The following CERS3 variants were observed in gnomAD, a reference collection of about 807,000 sequenced individuals.
CERS3 encodes the protein ceramide synthase 3, also known as LAG1 homolog, ceramide synthase 3.
Under a neutral mutation model 50.3 loss-of-function variants are expected in CERS3, and 33 were observed. That is an observed-to-expected ratio of 0.66 (90% CI 0.50 to 0.88). The LOEUF (loss-of-function observed/expected upper bound fraction) is 0.88. Ranked by LOEUF, CERS3 falls within the 40% of genes least tolerant of loss-of-function variation. The pLI, the probability that CERS3 is intolerant of heterozygous loss-of-function variation, is 0.00. For synonymous variants in CERS3, 176 were observed against 155.2 expected (o/e 1.13, Z -0.99); for missense variants, 470 against 460.3 (o/e 1.02, Z -0.19).
chr15:100,464,105 A>G (rs1325100176), intron 10 of CERS3, among the ~76,000 whole-genome samples: 2 of 152,208 alleles, frequency 1.3e-5, no homozygotes, highest in East Asian at 1.9e-4. Flanking sequence ...CTACACTTGT[A>G]ATAGCTGGAT....
At chr15:100,444,002 A>G (rs2033821526) in intron 11 of CERS3, among the ~76,000 whole-genome samples, 2 of 152,072 alleles carry the variant, frequency 1.3e-5, no homozygotes. Flanking sequence ...GCTCTCCCTG[A>G]CTCATCCCAA....
chr15:100,462,382 G>A (rs1462753441), intron 10 of CERS3, among the ~76,000 whole-genome samples: 2 of 152,168 alleles, frequency 1.3e-5, no homozygotes, highest in East Asian at 1.9e-4. Flanking sequence ...CCACCAAAAA[G>A]TTGTATTTGT....
In CERS3 at chr15:100,417,832, A is replaced by T. The variant is rs189546015; in HGVS notation, c.1000-14967T>A. On this transcript the variant is annotated intron_variant, in intron 11 of 11. Transcript: ENST00000679737. The stretch of plus-strand genomic sequence containing the variant: ...CCCAGCAAGGGCACACTGACACCTC[A>T]CACAGCAGGGTATTCCAACAGACCT... Among the ~76,000 whole-genome samples, 657 of 151,992 alleles carry T rather than the reference A, an allele frequency of 4.3e-3. 19 individuals are homozygous for T. Among genetic ancestry groups the T allele is most frequent in the African/African-American group, 0.014 (598 of 41,248 alleles).
Position 100,485,988 on chromosome 15 carries a change from G to A in CERS3, c.289-1320C>T, listed in dbSNP as rs575420446. On this transcript the variant is annotated intron_variant, in intron 4 of 11. Coordinates refer to ENST00000679737, the MANE Select transcript of CERS3 (RefSeq NM_001378789.1). ...AGTGCTGAGGAAAGAAGTGGGAGCC[G>A]TATGGATACAGCAGGCAGAGAAGCA... Among the ~76,000 whole-genome samples the A allele has an allele frequency of 2.6e-5, 4 of 152,334 alleles. No homozygotes were observed. The South Asian group carries it at 6.2e-4, about 24-fold the overall frequency.
intron 11 of CERS3, among the ~76,000 whole-genome samples, chr15:100,428,737 C>A (rs866092887): frequency 1.3e-5 from 2 of 152,216 alleles, no homozygotes; most frequent in South Asian, 4.1e-4. Context: ...ATTGAAAGAA[C>A]TGAATGCTAC....
chr15:100,467,833 ACGTG>A (rs375269710), intron 10 of CERS3, among the ~76,000 whole-genome samples: 57,391 of 120,568 alleles, frequency 0.48, 14,123 homozygotes, highest in Non-Finnish European at 0.53. Context: ...GTATATATAT[ACGTG>A]TATATATATA....
At chr15:100,541,641 T>C (rs2037205038) in intron 1 of CERS3, among the ~76,000 whole-genome samples, 1 of 152,200 alleles carries the variant, frequency 6.6e-6, no homozygotes. Context: ...TGTTTGAACG[T>C]GTTCAGTAAG....
chr15:100,459,130 C>CTT (rs1412952478), intron 10 of CERS3, among the ~76,000 whole-genome samples: 3 of 152,168 alleles, frequency 2.0e-5, no homozygotes, highest in Admixed American at 2.0e-4. Context: ...TGAATTTGGC[C>CTT]TTTGAGCCAT....
At chr15:100,471,932 C>T (rs570996337) in intron 9 of CERS3, among the ~76,000 whole-genome samples, 1 of 152,272 alleles carries the variant, frequency 6.6e-6, no homozygotes, top group African/African-American at 2.4e-5. Context: ...ATGATTCTCA[C>T]AGTTTTAAGA....
At chr15:100,520,307 A>G (rs1297345119) in intron 2 of CERS3, among the ~76,000 whole-genome samples, 1 of 152,104 alleles carries the variant, frequency 6.6e-6, no homozygotes, top group East Asian at 1.9e-4. Context: ...TGGTGCCTCC[A>G]TTTGTATTCT....
chr15:100,513,937 C>T (rs532664690), intron 2 of CERS3, among the ~76,000 whole-genome samples: 56 of 152,182 alleles, frequency 3.7e-4, no homozygotes, highest in Non-Finnish European at 5.4e-4. Context: ...TCTAGTCTTT[C>T]CAGAGCCCCA....
At chr15:100,535,171 T>C (rs1192992310) in intron 1 of CERS3, among the ~76,000 whole-genome samples, 1 of 152,258 alleles carries the variant, frequency 6.6e-6, no homozygotes, top group Non-Finnish European at 1.5e-5. Flanking sequence ...ATCTCAGATT[T>C]TGGCATCCAT....
At position 100,486,886 on chromosome 15, in the gene CERS3, C is replaced by A. The variant is rs182630866; in HGVS notation, c.289-2218G>T. Reference sequence around the variant, plus strand: ...AATATTCTCAGACCTTAGAACAACTCAATTTTATTCTCCCATGACTTCTGC... The same window carrying A: ...AATATTCTCAGACCTTAGAACAACTAAATTTTATTCTCCCATGACTTCTGC... On this transcript the variant is annotated intron_variant, in intron 4 of 11. Transcript: ENST00000679737. Among the ~76,000 whole-genome samples, 161 of 152,312 alleles carry A rather than the reference C, an allele frequency of 1.1e-3. 1 individual carries two copies. In the East Asian group the frequency reaches 0.015, roughly 14 times the overall value.
Position 100,467,811 on chromosome 15 carries a change from CTA to C in CERS3, c.845+1565_845+1566del, listed in dbSNP as rs1252827638. Among the ~76,000 whole-genome samples the C allele has an allele frequency of 3.0e-4, 38 of 125,290 alleles. No homozygotes were observed. The East Asian group carries it at 4.6e-3, about 15-fold the overall frequency. 82.2% of individuals were successfully genotyped at this position (125,290 alleles called of 152,430 possible). A position where few individuals can be genotyped will look rare whatever the true frequency, so the allele number is the denominator to read the frequency against. On this transcript the variant is annotated intron_variant, in intron 10 of 11. Transcript: ENST00000679737. ...CATATATATGTATATATATATACGT[CTA>C]TATATATGTGTATATATATACGTGT...
rs562101785 is a variant in CERS3 at position 100,517,771 on chromosome 15, A to G, written c.-2+3896T>C. On this transcript the variant is annotated intron_variant, in intron 2 of 11. Coordinates refer to ENST00000679737, the MANE Select transcript of CERS3 (RefSeq NM_001378789.1). Reference sequence around the variant, plus strand: ...CCCTTGGAAAAGAACAAGATGACAAAGATCCTAGTTCTTGGAGGAGGGTGG... The same window carrying G: ...CCCTTGGAAAAGAACAAGATGACAAGGATCCTAGTTCTTGGAGGAGGGTGG... Among the ~76,000 whole-genome samples the G allele has an allele frequency of 2.6e-5, 4 of 152,306 alleles. No homozygotes were observed. The East Asian group carries it at 5.8e-4, about 22-fold the overall frequency.
chr15:100,445,670 CT>C (rs1432825519), intron 11 of CERS3, among the ~76,000 whole-genome samples: 4 of 152,214 alleles, frequency 2.6e-5, no homozygotes, highest in Admixed American at 6.5e-5. Context: ...CACGCCGCCC[CT>C]AATCCCACTC....
intron 7 of CERS3, among the ~76,000 whole-genome samples, chr15:100,476,914 T>C (rs2035144319): frequency 1.3e-5 from 2 of 152,134 alleles, no homozygotes; most frequent in African/African-American, 4.8e-5. Flanking sequence ...GCAGAGACTT[T>C]ATAAGTACCA....
chr15:100,483,198 CA>C, intron 5 of CERS3, among the ~76,000 whole-genome samples: 1 of 152,314 alleles, frequency 6.6e-6, no homozygotes, highest in South Asian at 2.1e-4. Context: ...CTGATGCCAT[CA>C]CCTCTAAATT....
intron 10 of CERS3, among the ~76,000 whole-genome samples, chr15:100,461,761 T>C (rs933716920): frequency 2.0e-5 from 3 of 151,906 alleles, no homozygotes; most frequent in African/African-American, 7.3e-5. Context: ...TTGGAGAGGG[T>C]AAGCAGGATC....
Sources: allele counts gnomAD v4.1 joint callset (sites outside exome capture counted in the v4.1 genomes callset), GRCh38; gene constraint gnomAD v4.1.1; transcripts MANE v1.5; gene names NCBI Gene and HGNC (gene_info 2026-07-23, HGNC 2026-07-21).